The following ATOSA variants were observed in gnomAD, a reference collection of about 807,000 sequenced individuals.
ATOSA encodes the protein atos homolog protein A.
chr15:52,658,742 A>G, the ATOSA span: 1 of 282,428 alleles, frequency 3.5e-6, no homozygotes. Context: ...ATACAGGAAG[A>G]TTGCTTGAGG....
the ATOSA span, among the ~76,000 whole-genome samples, chr15:52,660,673 C>T: frequency 6.6e-6 from 1 of 152,120 alleles, no homozygotes; most frequent in East Asian, 1.9e-4. Context: ...TTTTTTGAGA[C>T]AGAGTTTCGC....
At chr15:52,600,095 T>TTCATTTAA in the ATOSA span, 2 of 1,219,408 alleles carry the variant, frequency 1.6e-6, no homozygotes, top group African/African-American at 3.0e-5. Flanking sequence ...GTATAAAATT[T>TTCATTTAA]TCATTTAAAG....
At chr15:52,594,868 A>G in the ATOSA span, among the ~76,000 whole-genome samples, 1 of 152,154 alleles carries the variant, frequency 6.6e-6, no homozygotes, top group Non-Finnish European at 1.5e-5. Context: ...AAAGCCTTAT[A>G]GTATCACCTA....
At chr15:52,598,148 C>A in the ATOSA span, among the ~76,000 whole-genome samples, 1 of 151,822 alleles carries the variant, frequency 6.6e-6, no homozygotes, top group Non-Finnish European at 1.5e-5. Flanking sequence ...AACAAACAAA[C>A]AAAAATATAT....
chr15:52,625,482 A>G, the ATOSA span, among the ~76,000 whole-genome samples: 6 of 151,580 alleles, frequency 4.0e-5, no homozygotes, highest in Non-Finnish European at 8.8e-5. Flanking sequence ...CAAAACTTAA[A>G]CTATTTTATT....
the ATOSA span, among the ~76,000 whole-genome samples, chr15:52,685,270 A>G: frequency 1.3e-5 from 2 of 152,162 alleles, no homozygotes; most frequent in African/African-American, 4.8e-5. Flanking sequence ...AAAATGTGTC[A>G]TGTGGCATTT....
the ATOSA span, chr15:52,610,331 C>T: frequency 1.2e-6 from 2 of 1,612,904 alleles, no homozygotes; most frequent in Admixed American, 3.3e-5. Flanking sequence ...AACACATGCT[C>T]AATTGGAGTC....
chr15:52,698,287 T>C, the ATOSA span, among the ~76,000 whole-genome samples: 7 of 152,224 alleles, frequency 4.6e-5, no homozygotes, highest in African/African-American at 1.7e-4. Flanking sequence ...TCCAAGGATG[T>C]AGAATTCTTA....
At chr15:52,634,683 C>G in the ATOSA span, among the ~76,000 whole-genome samples, 1 of 150,070 alleles carries the variant, frequency 6.7e-6, no homozygotes, top group Non-Finnish European at 1.5e-5. Context: ...CTCACTGCAA[C>G]TTCTGCCTTA....
chr15:52,605,090 T>C, the ATOSA span: 6 of 1,221,722 alleles, frequency 4.9e-6, no homozygotes, highest in Admixed American at 2.3e-5. Flanking sequence ...ACCTTTCAGA[T>C]GTATGTAAGT....
chr15:52,641,062 T>G, the ATOSA span, among the ~76,000 whole-genome samples: 1 of 152,166 alleles, frequency 6.6e-6, no homozygotes, highest in Admixed American at 6.5e-5. Context: ...ATGAAACCAT[T>G]TACCACAAAC....
chr15:52,647,155 C>T, the ATOSA span, among the ~76,000 whole-genome samples: 1 of 151,976 alleles, frequency 6.6e-6, no homozygotes, highest in East Asian at 1.9e-4. Flanking sequence ...TTGGAAAATA[C>T]TTTTGTTTTG....
At chr15:52,622,435 T>C in the ATOSA span, among the ~76,000 whole-genome samples, 1 of 152,194 alleles carries the variant, frequency 6.6e-6, no homozygotes, top group Non-Finnish European at 1.5e-5. Flanking sequence ...ATAACCACTA[T>C]GTAGACTTCA....
At chr15:52,606,249 A>T in the ATOSA span, among the ~76,000 whole-genome samples, 1 of 152,146 alleles carries the variant, frequency 6.6e-6, no homozygotes, top group Non-Finnish European at 1.5e-5. Context: ...GTAAATTAAA[A>T]ATTATATATA....
At chr15:52,634,658 G>A in the ATOSA span, among the ~76,000 whole-genome samples, 4 of 146,870 alleles carry the variant, frequency 2.7e-5, no homozygotes, top group Non-Finnish European at 5.9e-5. Context: ...CTGGAGTGCA[G>A]TGGCGCGATC....
At chr15:52,614,591 T>C in the ATOSA span, among the ~76,000 whole-genome samples, 9 of 151,600 alleles carry the variant, frequency 5.9e-5, no homozygotes, top group South Asian at 1.3e-3. Context: ...CTCATGCCTG[T>C]AATCCCAGCA....
the ATOSA span, among the ~76,000 whole-genome samples, chr15:52,695,705 T>G: frequency 1.3e-5 from 2 of 152,106 alleles, no homozygotes; most frequent in Non-Finnish European, 2.9e-5. Context: ...TTGAGCAGAA[T>G]AAGTGGGATT....
chr15:52,679,572 G>A, the ATOSA span, among the ~76,000 whole-genome samples: 2,847 of 152,270 alleles, frequency 0.019, 44 homozygotes, highest in Non-Finnish European at 0.026. Flanking sequence ...ATGGCGGCTG[G>A]GAGACACCAG....
the ATOSA span, chr15:52,586,973 C>G: frequency 7.7e-7 from 1 of 1,297,364 alleles, no homozygotes; most frequent in Admixed American, 3.1e-5. Context: ...TTAATGCTTT[C>G]CTTTTATGGA....
Sources: gnomAD v4.1 joint callset for allele counts (sites outside exome capture counted in the v4.1 genomes callset) on GRCh38, gnomAD v4.1.1 for gene constraint, MANE v1.5 for transcripts, NCBI Gene and HGNC (gene_info 2026-07-23, HGNC 2026-07-21) for gene names.